Variants in MED13 observed in about 807,000 individuals in gnomAD.
MED13 encodes mediator complex subunit 13.
MED13 carries 23 observed loss-of-function variants against 225.2 expected under a neutral mutation model. The ratio of observed to expected loss-of-function variants is 0.10; its 90% CI spans 0.07 to 0.14. The LOEUF is 0.14. Among genes scored for constraint, MED13 ranks in the 10% least tolerant of loss-of-function variants. The pLI is 1.00. For missense variants in MED13, 2,197 were observed against 2,594.5 expected (o/e 0.85, Z 3.33); for synonymous variants, 942 against 889.2 (o/e 1.06, Z -1.06).
In MED13 at chr17:61,982,351, T is replaced by C; in HGVS notation, c.3652A>G (p.Ser1218Gly). The change falls in exon 16 of 30, where the codon AGC becomes GGC. Residue 1218 changes from serine to glycine, a missense_variant. By Grantham distance (56) the Ser-to-Gly change is moderately conservative. Transcript: ENST00000397786. ...QDPFPKSGVI[S>G]NWVRVEERDC... is the part of the protein sequence containing the mutation. ...CGCTCTTCAACACGTACCCAATTGCTAATTACACCACTTTTAGGAAAAGGA... is the reference window on the plus strand; with the variant it reads ...CGCTCTTCAACACGTACCCAATTGCCAATTACACCACTTTTAGGAAAAGGA... The C allele has an allele frequency of 6.2e-7, 1 of 1,614,210 alleles. No homozygotes were observed. Among genetic ancestry groups the C allele is most frequent in the South Asian group, 1.1e-5 (1 of 91,090 alleles).
chr17:61,953,502 G>A (rs749733079), intron 26 of MED13, among the ~76,000 whole-genome samples: 21 of 152,164 alleles, frequency 1.4e-4, no homozygotes, highest in Admixed American at 2.0e-4. Context: ...GCCAGTGAAG[G>A]AGATGTGATG....
rs746058355 is a variant in MED13, at chr17:62,029,642, A to G, written c.1182T>C (p.Tyr394=). The G allele has an allele frequency of 6.8e-6, 11 of 1,612,062 alleles. No individual in the cohort carries two copies. The African/African-American group carries it at 9.3e-5, about 14-fold the overall frequency. ...CGCATAGACCACCTGATGAAGCAGA[A>G]TACTTCCTCCTAAGATTTAAAGTTA... The part of the protein sequence containing the change: ...NMNRAQNKRK[Y]SASSGGLCEE... Residue 394 remains tyrosine (Y), a synonymous_variant, in exon 8 of 30, where the codon TAT becomes TAC. Transcript: ENST00000397786.
intron 3 of MED13, among the ~76,000 whole-genome samples, chr17:62,045,513 C>A (rs761223470): frequency 4.6e-5 from 7 of 151,832 alleles, no homozygotes; most frequent in Non-Finnish European, 7.4e-5. Flanking sequence ...CAGAGCAAGA[C>A]CCTGTCTCTA....
In MED13 at chr17:62,015,932, ATATATATATATATATATATATATTT is replaced by A. The variant is rs1160446632; in HGVS notation, c.1284-4724_1284-4700del. ...ACTATACACATATATATATATATATATATATATATATATATATATATATTTTTTTTTTTTTTTTTTTTTTTTTTTT... is the reference window on the plus strand; with the variant it reads ...ACTATACACATATATATATATATATATTTTTTTTTTTTTTTTTTTTTTTTT... On this transcript the variant is annotated intron_variant, in intron 8 of 29. Transcript: ENST00000397786. 1.9e-3 allele frequency among the ~76,000 whole-genome samples: 15 copies of A among 7,720 alleles called. 1 individual carries two copies. Among genetic ancestry groups the A allele is most frequent in the Non-Finnish European group, 4.2e-3 (12 of 2,884 alleles). The allele number at this position is 7,720 out of a possible 152,430, so 5.1% of individuals were successfully genotyped here. A position where few individuals can be genotyped will look rare whatever the true frequency, so the allele number is the denominator to read the frequency against.
At chr17:61,959,777 A>C (rs964336504) in intron 23 of MED13, among the ~76,000 whole-genome samples, 3 of 146,766 alleles carry the variant, frequency 2.0e-5, no homozygotes, top group African/African-American at 7.6e-5. Flanking sequence ...CGCCCACGTT[A>C]AAGTGCAGTG....
At chr17:61,981,515 A>C (rs975010553) in intron 16 of MED13, among the ~76,000 whole-genome samples, 2 of 151,990 alleles carry the variant, frequency 1.3e-5, no homozygotes, top group Admixed American at 6.5e-5. Flanking sequence ...AAAGCATTCC[A>C]GCAGCATCAG....
intron 16 of MED13, among the ~76,000 whole-genome samples, chr17:61,976,608 T>C (rs1038481021): frequency 6.6e-6 from 1 of 152,172 alleles, no homozygotes; most frequent in South Asian, 2.1e-4. Flanking sequence ...GCTTTGTCTA[T>C]CTTCAACAAA....
At chr17:62,039,411 T>C (rs566500338) in intron 3 of MED13, among the ~76,000 whole-genome samples, 1 of 152,112 alleles carries the variant, frequency 6.6e-6, no homozygotes, top group African/African-American at 2.4e-5. Context: ...GCCTCCTGAG[T>C]AGCTGGGATT....
chr17:61,943,588 G>A lies in MED13; in HGVS notation c.*2880C>T, dbSNP rs2079830855. 1 of 152,564 alleles carries A rather than the reference G, an allele frequency of 6.6e-6. No individual in the cohort carries two copies. Among genetic ancestry groups the A allele is most frequent in the South Asian group, 2.1e-4 (1 of 4,832 alleles). 9.5% of individuals were successfully genotyped at this position (152,564 alleles called of 1,614,324 possible). Reference sequence around the variant, plus strand: ...ATTTTAGTGGTTTAAGAAAAGTTTAGAAATATTTAAAAATTACAGCTACTT... The same window carrying A: ...ATTTTAGTGGTTTAAGAAAAGTTTAAAAATATTTAAAAATTACAGCTACTT... On this transcript the variant is annotated 3_prime_UTR_variant, in exon 30 of 30. Transcript: ENST00000397786.
chr17:61,995,733 G>A (rs2080341333), intron 9 of MED13, among the ~76,000 whole-genome samples: 1 of 152,110 alleles, frequency 6.6e-6, no homozygotes, highest in African/African-American at 2.4e-5. Context: ...GACTCAAAGT[G>A]GGAGCTTTAT....
intron 9 of MED13, among the ~76,000 whole-genome samples, chr17:62,002,835 A>G (rs563961620): frequency 3.7e-4 from 56 of 152,252 alleles, no homozygotes; most frequent in Non-Finnish European, 5.7e-4. Flanking sequence ...GATCTTTCTA[A>G]TAACTATTAC....
At chr17:62,025,578 G>A (rs2080693209) in intron 8 of MED13, among the ~76,000 whole-genome samples, 1 of 152,144 alleles carries the variant, frequency 6.6e-6, no homozygotes. Context: ...GCTGAGGCAG[G>A]AGAACTGCTT....
At chr17:61,977,337 G>T (rs149376841) in intron 16 of MED13, among the ~76,000 whole-genome samples, 2 of 152,186 alleles carry the variant, frequency 1.3e-5, no homozygotes, top group Middle Eastern at 3.2e-3. Flanking sequence ...TCTGGAAAAC[G>T]AGTATCCAAG....
Position 62,030,137 on chromosome 17 carries a change from T to C in MED13, c.1010-124A>G, listed in dbSNP as rs2080741067. 4 of 991,652 alleles carry C rather than the reference T, an allele frequency of 4.0e-6. No homozygotes were observed. In the Admixed American group the frequency reaches 1.4e-4, roughly 35 times the overall value. The allele number at this position is 991,652 out of a possible 1,614,324, so 61.4% of individuals were successfully genotyped here. ...GCTATCTGGTAAAATTATTTATATT[T>C]TGAGATAAAAAGCATGCTACTTTTT... On this transcript the variant is annotated intron_variant, in intron 6 of 29. Coordinates refer to ENST00000397786, the MANE Select transcript of MED13 (RefSeq NM_005121.3).
intron 23 of MED13, among the ~76,000 whole-genome samples, chr17:61,959,922 C>T (rs1243002848): frequency 6.6e-6 from 1 of 151,870 alleles, no homozygotes; most frequent in East Asian, 1.9e-4. Flanking sequence ...GACGGGGTTT[C>T]GCCATGTTGC....
At chr17:62,020,733 C>T (rs867838295) in intron 8 of MED13, among the ~76,000 whole-genome samples, 1 of 145,694 alleles carries the variant, frequency 6.9e-6, no homozygotes, top group East Asian at 2.0e-4. Flanking sequence ...GTGTTTCTCG[C>T]AGAGGGGTAT....
Position 61,992,573 on chromosome 17 carries a change from C to T in MED13, c.2230G>A (p.Ala744Thr). Residue 744 changes from alanine (A) to threonine (T), a missense_variant, in exon 11 of 30, where the codon GCT (alanine) becomes ACT (threonine). Ala to Thr is a moderately conservative substitution (Grantham distance 58, BLOSUM62 0). Transcript: ENST00000397786. ...ATAGAGGGACTAAATAATGACATAG[C>T]ATCTTCTTCATGTGATAACACTGTT... ...SVTVLSHEED[A>T]MSLFSPSIKQ... is the part of the protein sequence containing the mutation. The T allele has an allele frequency of 6.2e-7, 1 of 1,611,852 alleles. No individual in the cohort carries two copies. Among genetic ancestry groups the T allele is most frequent in the South Asian group, 1.1e-5 (1 of 90,932 alleles).
chr17:61,992,719 T>G, intron 10 of MED13, 98 bp from the exon 11 acceptor site: 1 of 771,250 alleles, frequency 1.3e-6, no homozygotes, highest in Middle Eastern at 2.7e-4. Flanking sequence ...TCCAGCTAAG[T>G]GTTTAACATA....
At chr17:62,007,440 C>T (rs1162425383) in intron 9 of MED13, 1 of 151,992 alleles carries the variant, frequency 6.6e-6, no homozygotes, top group Admixed American at 6.5e-5. Context: ...TTGAGAATCC[C>T]CTGAGAAAAC....
Sources: allele counts gnomAD v4.1 joint callset (sites outside exome capture counted in the v4.1 genomes callset), GRCh38; gene constraint gnomAD v4.1.1; transcripts MANE v1.5; gene names NCBI Gene and HGNC (gene_info 2026-07-23, HGNC 2026-07-21).